Variants in SLC23A2 observed in about 807,000 individuals in gnomAD.
SLC23A2 encodes solute carrier family 23 member 2.
In SLC23A2, 36 loss-of-function variants were observed where a neutral mutation model predicts 73.3. The ratio of observed to expected loss-of-function variants is 0.49; its 90% CI spans 0.38 to 0.65. SLC23A2 has a LOEUF of 0.65. Among genes scored for constraint, SLC23A2 ranks in the 30% least tolerant of loss-of-function variants. The pLI is 0.00. For synonymous variants in SLC23A2, 343 were observed against 327.3 expected (o/e 1.05, Z -0.52); for missense variants, 507 against 841.6 (o/e 0.60, Z 4.92).
At chr20:4,871,526 G>T (rs1930447286) in intron 11 of SLC23A2, among the ~76,000 whole-genome samples, 1 of 152,206 alleles carries the variant, frequency 6.6e-6, no homozygotes, top group Non-Finnish European at 1.5e-5. Context: ...ACCTAGAGGG[G>T]TTTGGCCTGT....
intron 3 of SLC23A2, among the ~76,000 whole-genome samples, chr20:4,916,585 A>G (rs563595167): frequency 6.6e-6 from 1 of 152,302 alleles, no homozygotes; most frequent in South Asian, 2.1e-4. Context: ...GGCACTAAGA[A>G]GATAGATTTT....
intron 1 of SLC23A2, among the ~76,000 whole-genome samples, chr20:4,971,961 A>G (rs1235941233): frequency 6.6e-6 from 1 of 152,190 alleles, no homozygotes; most frequent in African/African-American, 2.4e-5. Context: ...CTTCTCAAAA[A>G]GCCGGTCACA....
At chr20:4,965,858 T>C (rs2087466129) in intron 2 of SLC23A2, among the ~76,000 whole-genome samples, 1 of 151,718 alleles carries the variant, frequency 6.6e-6, no homozygotes, top group East Asian at 1.9e-4. Flanking sequence ...TTCCAGCTAC[T>C]CAGGAGGCTG....
intron 2 of SLC23A2, among the ~76,000 whole-genome samples, chr20:4,941,783 GA>G (rs2087046491): frequency 6.6e-6 from 1 of 151,330 alleles, no homozygotes; most frequent in South Asian, 2.1e-4. Flanking sequence ...AAAATAAAAA[GA>G]ATGGTAGAAG....
At chr20:4,892,433 C>T (rs1405333633) in intron 6 of SLC23A2, among the ~76,000 whole-genome samples, 9 of 152,088 alleles carry the variant, frequency 5.9e-5, no homozygotes, top group South Asian at 2.1e-4. Flanking sequence ...GTGATCCGCC[C>T]GCCTCAGCCT....
intron 10 of SLC23A2, 89 bp from the exon 11 acceptor site, chr20:4,874,181 C>T: frequency 8.0e-7 from 1 of 1,248,682 alleles, no homozygotes; most frequent in Non-Finnish European, 1.1e-6. Context: ...GAATATCACA[C>T]CCCAGAGCCC....
At chr20:4,900,887 C>T (rs1344885836) in intron 5 of SLC23A2, among the ~76,000 whole-genome samples, 2 of 152,144 alleles carry the variant, frequency 1.3e-5, no homozygotes, top group African/African-American at 2.4e-5. Context: ...TTCCTGCCCA[C>T]GTTAGCCAAA....
chr20:4,928,356 A>G (rs1037830040), intron 3 of SLC23A2, among the ~76,000 whole-genome samples: 5 of 152,166 alleles, frequency 3.3e-5, no homozygotes, highest in African/African-American at 1.2e-4. Context: ...CATGTTTTCT[A>G]ACAAAACTAT....
chr20:4,986,655 C>T (rs1382211412), intron 1 of SLC23A2, among the ~76,000 whole-genome samples: 5 of 112,432 alleles, frequency 4.4e-5, no homozygotes, highest in South Asian at 3.1e-4. Flanking sequence ...CACATACACA[C>T]ACACACACAC....
chr20:5,005,630 T>G (rs2088182012), upstream of SLC23A2, among the ~76,000 whole-genome samples: 1 of 152,162 alleles, frequency 6.6e-6, no homozygotes, highest in Non-Finnish European at 1.5e-5. Context: ...AGCTAGATAA[T>G]AAATGTTTTA....
At chr20:4,956,177 T>A (rs898282883) in intron 2 of SLC23A2, among the ~76,000 whole-genome samples, 1 of 152,218 alleles carries the variant, frequency 6.6e-6, no homozygotes, top group African/African-American at 2.4e-5. Context: ...ATGAATAAAA[T>A]CTAAAATGTG....
intron 5 of SLC23A2, among the ~76,000 whole-genome samples, chr20:4,900,846 A>G (rs543138030): frequency 6.6e-6 from 1 of 152,230 alleles, no homozygotes; most frequent in African/African-American, 2.4e-5. Context: ...CTGTTCTGCA[A>G]ACTTCCTACT....
intron 5 of SLC23A2, among the ~76,000 whole-genome samples, chr20:4,900,043 G>GT (rs1420309198): frequency 6.6e-6 from 1 of 151,438 alleles, no homozygotes; most frequent in Non-Finnish European, 1.5e-5. Flanking sequence ...GCTTATTTTT[G>GT]TATTTTTTGT....
At chr20:4,879,937 TAG>T (rs758539580) in intron 9 of SLC23A2, among the ~76,000 whole-genome samples, 1 of 152,148 alleles carries the variant, frequency 6.6e-6, no homozygotes, top group African/African-American at 2.4e-5. Flanking sequence ...TGAAGGTGAA[TAG>T]AGTCTTTTGC....
At position 4,890,577 on chromosome 20, in the gene SLC23A2, G is replaced by A. The variant is rs369348252; in HGVS notation, c.483-4668C>T. ...TGAGGCAGAGGAATCTCTTGAACCC[G>A]GAAGGTGGAGGTTGCAAGTGAGCCT... is the stretch of plus-strand genomic sequence containing the variant. On this transcript the variant is annotated intron_variant, in intron 6 of 16. Coordinates refer to ENST00000338244, the MANE Select transcript of SLC23A2 (RefSeq NM_005116.6). 2.8e-3 allele frequency among the ~76,000 whole-genome samples: 422 copies of A among 152,172 alleles called. 2 individuals carry two copies. Among genetic ancestry groups the A allele is most frequent in the African/African-American group, 9.3e-3 (386 of 41,526 alleles).
intron 8 of SLC23A2, 118 bp downstream of exon 8, chr20:4,884,635 A>G: frequency 2.7e-6 from 2 of 740,790 alleles, no homozygotes; most frequent in South Asian, 3.0e-5. Flanking sequence ...ATAAACTATC[A>G]GTAATTGAAA....
At chr20:4,934,600 G>A (rs749965714) in intron 2 of SLC23A2, among the ~76,000 whole-genome samples, 14 of 152,126 alleles carry the variant, frequency 9.2e-5, no homozygotes, top group Non-Finnish European at 1.8e-4. Flanking sequence ...GGTAGCTCAC[G>A]CCTGTAATCC....
intron 1 of SLC23A2, among the ~76,000 whole-genome samples, chr20:4,994,848 C>T (rs892512474): frequency 6.6e-6 from 1 of 151,866 alleles, no homozygotes; most frequent in South Asian, 2.1e-4. Context: ...GCAGGAGAAT[C>T]GCTTGAACCT....
rs574379772 is a variant in SLC23A2, at chr20:4,868,072, ATTTTTTTTT to A, written c.1251-206_1251-198del. Among the ~76,000 whole-genome samples the A allele has an allele frequency of 3.2e-5, 3 of 94,418 alleles. No individual in the cohort carries two copies. Among genetic ancestry groups the A allele is most frequent in the African/African-American group, 9.7e-5 (2 of 20,562 alleles). The allele number at this position is 94,418 out of a possible 152,430, so 61.9% of individuals were successfully genotyped here. A position where few individuals can be genotyped will look rare whatever the true frequency, so the allele number is the denominator to read the frequency against. ...CCTGCTGAAGCAGAAAAGAATCTGC[ATTTTTTTTT>A]TTTTTTTTTTTTTTTTTAGAGAGTG... On this transcript the variant is annotated intron_variant, in intron 12 of 16. Transcript: ENST00000338244. The surrounding 1 kb of genome is among the most constrained non-coding windows in gnomAD (Gnocchi z 4.4).
Sources: allele counts gnomAD v4.1 joint callset (sites outside exome capture counted in the v4.1 genomes callset), GRCh38; gene constraint gnomAD v4.1.1; non-coding constraint Gnocchi (gnomAD v3.1); transcripts MANE v1.5; gene names NCBI Gene and HGNC (gene_info 2026-07-23, HGNC 2026-07-21).